PDE11A: variants seen among roughly 807,000 people sequenced by gnomAD.
PDE11A encodes the protein phosphodiesterase 11A.
PDE11A carries 100 observed loss-of-function variants against 100.5 expected under a neutral mutation model. The observed-to-expected ratio is 1.00, with a 90% confidence interval of 0.85 to 1.18. The LOEUF (loss-of-function observed/expected upper bound fraction) is 1.18, where lower values mean the gene tolerates loss of function less well. Ranked by LOEUF, PDE11A falls within the 50% of genes most tolerant of loss-of-function variation. The probability of loss-of-function intolerance (pLI) is 0.00; values close to 1 mark genes in which losing one functional copy is unlikely to be tolerated. For synonymous variants in PDE11A, 381 were observed against 420.8 expected, an observed-to-expected ratio of 0.91 and a Z score of 1.16; for missense variants, 1,141 against 1,152.6, an observed-to-expected ratio of 0.99 and a Z score of 0.15.
intron 9 of PDE11A, among the ~76,000 whole-genome samples, chr2:177,788,941 G>A (rs9677090): frequency 0.011 from 1,692 of 152,212 alleles, 36 homozygotes; most frequent in African/African-American, 0.038. Context: ...TGGATTCACA[G>A]CCGAATTCTA....
At chr2:178,068,567 T>C (rs1296566109) in intron 1 of PDE11A, among the ~76,000 whole-genome samples, 3 of 151,986 alleles carry the variant, frequency 2.0e-5, no homozygotes, top group Admixed American at 1.3e-4. Context: ...TGTCTGAAGC[T>C]GAGCAAGAAA....
Position 177,697,344 on chromosome 2 carries a change from G to T in PDE11A, c.2333C>A (p.Thr778Lys). ...LKQSILATDLTLYFERRTEFF... is the reference protein window; with the variant it reads ...LKQSILATDLKLYFERRTEFF... ...TGCCAATACCTACTCAAAGTACAGC[G>T]TGAGGTCTGTTGCCAATATTGACTG... Residue 778 changes from threonine to lysine, a missense_variant, in exon 15 of 20, where the codon ACG becomes AAG. By Grantham distance (78) the Thr-to-Lys change is moderately conservative. Transcript: ENST00000286063. 2.6e-6 allele frequency: 4 copies of T among 1,541,052 alleles called. No individual in the cohort carries two copies. The highest frequency in any genetic ancestry group is 2.2e-5 in the South Asian group (2 of 89,664).
At chr2:177,711,564 C>T (rs546000761) in intron 13 of PDE11A, among the ~76,000 whole-genome samples, 1 of 152,268 alleles carries the variant, frequency 6.6e-6, no homozygotes, top group South Asian at 2.1e-4. Flanking sequence ...ACCAAATCAA[C>T]AAGCATGACA....
upstream of PDE11A, among the ~76,000 whole-genome samples, chr2:178,076,261 G>A (rs910314164): frequency 1.3e-5 from 2 of 152,074 alleles, no homozygotes; most frequent in African/African-American, 4.8e-5. Context: ...AGATAAAGGA[G>A]ACTTCCTATT....
Position 177,675,565 on chromosome 2 carries a change from A to G in PDE11A, c.2424-47T>C, listed in dbSNP as rs3770016. The G allele has an allele frequency of 0.81, 1,172,051 of 1,452,882 alleles. 478,161 individuals carry two copies. The highest frequency in any genetic ancestry group is 0.87 in the Admixed American group (51,264 of 59,162). The allele number at this position is 1,452,882 out of a possible 1,614,324, so 90.0% of individuals were successfully genotyped here. The stretch of plus-strand genomic sequence containing the variant: ...AACAGCCTGAATAATCTTTTGTTGC[A>G]TTCCTAAACAAACCCGTCCTAGATA... On this transcript the variant is annotated intron_variant, in intron 16 of 19. Coordinates refer to ENST00000286063, the MANE Select transcript of PDE11A (RefSeq NM_016953.4).
At chr2:177,794,280 G>A (rs929009497) in intron 9 of PDE11A, among the ~76,000 whole-genome samples, 1 of 152,180 alleles carries the variant, frequency 6.6e-6, no homozygotes, top group Admixed American at 6.5e-5. Context: ...ATGAGAGGGT[G>A]TAGGGTGCAA....
Position 178,072,128 on chromosome 2 carries a change from C to T in PDE11A, c.310G>A (p.Gly104Ser), listed in dbSNP as rs1406428371. 2 of 1,613,588 alleles carry T rather than the reference C, an allele frequency of 1.2e-6. No homozygotes were observed. Among genetic ancestry groups the T allele is most frequent in the Admixed American group, 1.7e-5 (1 of 60,002 alleles). ...AGGTTCCCATCGCCCCTGCTGCCAC[C>T]GGCCCAGCTGGGACTCAAGGGAACC... ...GGVPLSPSWAGGSRGDGNLQR... is the reference protein window; with the variant it reads ...GGVPLSPSWASGSRGDGNLQR... The change falls in exon 1 of 20, where the codon GGT becomes AGT. Residue 104 changes from glycine to serine, a missense_variant. Gly to Ser is a moderately conservative substitution (Grantham distance 56). Transcript: ENST00000286063.
At chr2:177,644,830 C>T (rs113643237) in intron 19 of PDE11A, among the ~76,000 whole-genome samples, 204 of 152,282 alleles carry the variant, frequency 1.3e-3, no homozygotes, top group African/African-American at 4.8e-3. Context: ...ATGCTGTTCT[C>T]ATAATATTGA....
intron 2 of PDE11A, among the ~76,000 whole-genome samples, chr2:178,091,545 A>G (rs922206111): frequency 2.0e-5 from 3 of 152,298 alleles, no homozygotes; most frequent in Admixed American, 1.3e-4. Context: ...GAGGTAACAG[A>G]TGTCTTATCC....
chr2:177,925,209 T>G (rs2085109968), intron 2 of PDE11A, among the ~76,000 whole-genome samples: 2 of 151,228 alleles, frequency 1.3e-5, no homozygotes, highest in Admixed American at 6.6e-5. Context: ...TGTGTCTTTA[T>G]AGCACCATGA....
chr2:177,697,400 C>G lies in PDE11A; in HGVS notation c.2277G>C (p.Lys759Asn). 1 of 1,594,392 alleles carries G rather than the reference C, an allele frequency of 6.3e-7. No homozygotes were observed. The highest frequency in any genetic ancestry group is 8.6e-7 in the Non-Finnish European group (1 of 1,162,296). ...GHNIFANLSS[K>N]EYSDLMQLLK... The stretch of plus-strand genomic sequence containing the variant: ...AAAGCTGCATAAGGTCACTATATTC[C>G]TTGGAGGACAGGTTAGCAAAGATAT... Residue 759 changes from lysine (K) to asparagine (N), a missense_variant, in exon 15 of 20, where the codon AAG (lysine) becomes AAC (asparagine). Physicochemically the swap from Lys to Asn is moderately conservative, Grantham distance 94 (BLOSUM62 0). Coordinates refer to ENST00000286063, the MANE Select transcript of PDE11A (RefSeq NM_016953.4).
chr2:177,823,773 G>C (rs555517931), intron 6 of PDE11A, among the ~76,000 whole-genome samples: 2 of 152,304 alleles, frequency 1.3e-5, no homozygotes, highest in East Asian at 3.9e-4. Context: ...AGCCACAGCA[G>C]CACTAGGATG....
intron 12 of PDE11A, among the ~76,000 whole-genome samples, chr2:177,712,627 T>G (rs762548003): frequency 1.1e-4 from 17 of 152,168 alleles, no homozygotes; most frequent in Non-Finnish European, 1.5e-5. Context: ...GTGATTTCTT[T>G]TAGAAGCAGG....
At chr2:177,934,524 T>C (rs1316318057) in intron 2 of PDE11A, among the ~76,000 whole-genome samples, 1 of 152,210 alleles carries the variant, frequency 6.6e-6, no homozygotes, top group Non-Finnish European at 1.5e-5. Flanking sequence ...AGAATGCTCA[T>C]ACACTGCTGG....
At chr2:177,717,429 A>T (rs538283400) in intron 12 of PDE11A, among the ~76,000 whole-genome samples, 2 of 152,180 alleles carry the variant, frequency 1.3e-5, no homozygotes, top group South Asian at 4.1e-4. Context: ...AGGCGGCAGG[A>T]AGTATATTTT....
intron 9 of PDE11A, among the ~76,000 whole-genome samples, chr2:177,795,533 G>T (rs992367332): frequency 1.3e-5 from 2 of 152,052 alleles, no homozygotes; most frequent in African/African-American, 2.4e-5. Context: ...GAAGGGGGTG[G>T]GGGCTTTTAT....
upstream of PDE11A, among the ~76,000 whole-genome samples, chr2:178,075,551 C>CAAAAAAAAA (rs397756518): frequency 7.7e-4 from 37 of 47,834 alleles, no homozygotes; most frequent in African/African-American, 2.9e-3. Flanking sequence ...GACTCTGTCT[C>CAAAAAAAAA]AAAAAAAAAA....
intron 2 of PDE11A, among the ~76,000 whole-genome samples, chr2:177,932,849 A>C (rs2085224648): frequency 6.6e-6 from 1 of 151,596 alleles, no homozygotes; most frequent in Non-Finnish European, 1.5e-5. Flanking sequence ...AAAAAAAGGC[A>C]TCTGAACAGG....
At chr2:177,928,862 C>CA (rs201321658) in intron 2 of PDE11A, among the ~76,000 whole-genome samples, 84 of 148,814 alleles carry the variant, frequency 5.6e-4, no homozygotes, top group Admixed American at 2.3e-3. Context: ...GACCCTGTCT[C>CA]AAAAAAAAAT....
Sources: gnomAD v4.1 joint callset for allele counts (sites outside exome capture counted in the v4.1 genomes callset) on GRCh38, gnomAD v4.1.1 for gene constraint, MANE v1.5 for transcripts, NCBI Gene and HGNC (gene_info 2026-07-23, HGNC 2026-07-21) for gene names.